MMADHC: variants seen among roughly 807,000 people sequenced by gnomAD.
MMADHC encodes the protein metabolism of cobalamin associated D, also known as cobalamin trafficking protein CblD.
A neutral mutation model predicts 36.3 loss-of-function variants in MMADHC; 23 were observed. The ratio of observed to expected loss-of-function variants is 0.63; its 90% confidence interval spans 0.46 to 0.90. The LOEUF (loss-of-function observed/expected upper bound fraction) is 0.90, where lower values mean the gene tolerates loss of function less well. Ranked by LOEUF, MMADHC falls within the 40% of genes least tolerant of loss-of-function variation. MMADHC has a pLI of 0.00. For missense variants in MMADHC, 330 were observed against 348.0 expected, an observed-to-expected ratio of 0.95 and a Z score of 0.41; for synonymous variants, 97 against 116.1, an observed-to-expected ratio of 0.84 and a Z score of 1.06.
Position 149,569,883 on chromosome 2 carries a change from A to G in MMADHC, c.*91T>C, listed in dbSNP as rs905013333. ...AATGCTGAAATAAATACTTAGAAATAAATATATTTTAAAAACTTTAGTCTG... is the reference window on the plus strand; with the variant it reads ...AATGCTGAAATAAATACTTAGAAATGAATATATTTTAAAAACTTTAGTCTG... On this transcript the variant is annotated 3_prime_UTR_variant, in exon 8 of 8. Transcript: ENST00000303319. 5.5e-6 allele frequency: 6 copies of G among 1,083,282 alleles called. No individual in the cohort carries two copies. In the South Asian group the frequency reaches 8.5e-5, roughly 15 times the overall value. The allele number at this position is 1,083,282 out of a possible 1,614,324, so 67.1% of individuals were successfully genotyped here. A position where few individuals can be genotyped will look rare whatever the true frequency, so the allele number is the denominator to read the frequency against.
intron 7 of MMADHC, 85 bp from the exon 8 acceptor site, chr2:149,570,253 T>G: frequency 9.1e-7 from 1 of 1,100,738 alleles, no homozygotes. Flanking sequence ...ACCTATCTAC[T>G]TTAATACTCC....
rs72997100 is a variant in MMADHC at position 149,574,160 on chromosome 2, A to G, written c.609+1551T>C. On this transcript the variant is annotated intron_variant, in intron 6 of 7. Transcript: ENST00000303319. The stretch of plus-strand genomic sequence containing the variant: ...ACTATACTGGAGTCAGTATCAAATT[A>G]GGTTCAGAATCTTAAACTGACCAAA... Among the ~76,000 whole-genome samples, 1,485 of 152,346 alleles carry G rather than the reference A, an allele frequency of 9.7e-3. 28 individuals carry two copies. Among genetic ancestry groups the G allele is most frequent in the African/African-American group, 0.033 (1,377 of 41,580 alleles).
At chr2:149,574,644 G>A (rs1682688040) in intron 6 of MMADHC, among the ~76,000 whole-genome samples, 1 of 152,108 alleles carries the variant, frequency 6.6e-6, no homozygotes, top group Non-Finnish European at 1.5e-5. Context: ...AATTGGAAGT[G>A]TCTTATCAAA....
chr2:149,575,316 T>C (rs1682697636), intron 6 of MMADHC, among the ~76,000 whole-genome samples: 1 of 152,010 alleles, frequency 6.6e-6, no homozygotes. Flanking sequence ...GGCATAATTT[T>C]CACTCTTTAT....
At chr2:149,571,867 A>G (rs1682645712) in intron 6 of MMADHC, among the ~76,000 whole-genome samples, 1 of 152,112 alleles carries the variant, frequency 6.6e-6, no homozygotes, top group South Asian at 2.1e-4. Flanking sequence ...CGTTTAAATG[A>G]AAGTTGTTTA....
chr2:149,587,713 A>T lies in MMADHC; in HGVS notation c.-102T>A, dbSNP rs1157295979. On this transcript the variant is annotated 5_prime_UTR_variant, in exon 1 of 8. The change abolishes an upstream ATG in the 5' untranslated region. Coordinates refer to ENST00000303319, the MANE Select transcript of MMADHC (RefSeq NM_015702.3). ...GTCCCAGAACCGGACTCTTCCTGCC[A>T]TCAAAATGGCGGCGGCGACGGCAGC... 6.5e-6 allele frequency: 1 copy of T among 152,696 alleles called. No homozygotes were observed. The highest frequency in any genetic ancestry group is 1.9e-4 in the East Asian group (1 of 5,194). The allele number at this position is 152,696 out of a possible 1,614,324, so 9.5% of individuals were successfully genotyped here.
At chr2:149,585,325 G>A (rs13400929) in intron 2 of MMADHC, among the ~76,000 whole-genome samples, 1,996 of 152,236 alleles carry the variant, frequency 0.013, 39 homozygotes, top group African/African-American at 0.045. Flanking sequence ...AGTATATAAA[G>A]AGAAAGTGCC....
intron 6 of MMADHC, among the ~76,000 whole-genome samples, chr2:149,575,345 C>T (rs1682698037): frequency 6.9e-6 from 1 of 145,528 alleles, no homozygotes. Context: ...GTTCTAAGCC[C>T]AGGAGAAAGG....
chr2:149,570,037 T>C lies in MMADHC; in HGVS notation c.828A>G (p.Val276=), dbSNP rs937318527. Residue 276 remains valine (V), a synonymous_variant, in exon 8 of 8, where the codon GTA becomes GTG. Coordinates refer to ENST00000303319, the MANE Select transcript of MMADHC (RefSeq NM_015702.3). ...GTGTTGCATTAGTGAAGATACTCCC[T>C]ACAACTACATGGGTACCCCAGAGAC... ...RHSLWGTHVV[V]GSIFTNATPD... The C allele has an allele frequency of 1.5e-5, 24 of 1,613,698 alleles. No individual in the cohort carries two copies. The highest frequency in any genetic ancestry group is 3.3e-5 in the South Asian group (3 of 91,078).
chr2:149,573,031 C>T (rs1253167882), intron 6 of MMADHC, among the ~76,000 whole-genome samples: 2 of 152,150 alleles, frequency 1.3e-5, no homozygotes, highest in Non-Finnish European at 2.9e-5. Flanking sequence ...TCTACAGATG[C>T]TTTAACACAA....
Position 149,582,165 on chromosome 2 carries a change from G to A in MMADHC, c.116C>T (p.Ser39Leu), listed in dbSNP as rs746785981. 3 of 1,613,900 alleles carry A rather than the reference G, an allele frequency of 1.9e-6. No homozygotes were observed. Among genetic ancestry groups the A allele is most frequent in the African/African-American group, 2.7e-5 (2 of 75,034 alleles). ...KAFSTAGSSG[S>L]DESHVAAAPP... is the part of the protein sequence containing the mutation. Reference sequence around the variant, plus strand: ...TGCAGCAGCCACATGAGACTCATCCGAACCTGATGATCCTGCAGTCGAAAA... The same window carrying A: ...TGCAGCAGCCACATGAGACTCATCCAAACCTGATGATCCTGCAGTCGAAAA... The change falls in exon 3 of 8, where the codon TCG becomes TTG. Residue 39 changes from serine (S) to leucine (L), a missense_variant. By Grantham distance (145) the Ser-to-Leu change is moderately radical. Transcript: ENST00000303319.
At chr2:149,585,099 T>C (rs1258500720) in intron 2 of MMADHC, among the ~76,000 whole-genome samples, 4 of 151,008 alleles carry the variant, frequency 2.6e-5, no homozygotes, top group Non-Finnish European at 5.9e-5. Context: ...GTAATTGTAA[T>C]TGTGGAAGTG....
chr2:149,576,407 C>G (rs1264737767), intron 5 of MMADHC, 30 bp downstream of exon 5: 12 of 1,416,508 alleles, frequency 8.5e-6, no homozygotes, highest in Non-Finnish European at 1.2e-5. Context: ...AAATTAGTAA[C>G]AGTGTTTCAA....
At chr2:149,585,500 T>C (rs1682854154) in intron 2 of MMADHC, among the ~76,000 whole-genome samples, 1 of 152,204 alleles carries the variant, frequency 6.6e-6, no homozygotes. Flanking sequence ...AATACAAACA[T>C]TGAGAAATCG....
intron 6 of MMADHC, among the ~76,000 whole-genome samples, chr2:149,573,925 G>A (rs1022926221): frequency 2.6e-5 from 4 of 151,924 alleles, no homozygotes; most frequent in South Asian, 2.1e-4. Context: ...CACCAACACT[G>A]ACATCTGCTG....
At chr2:149,576,322 C>T in intron 5 of MMADHC, 115 bp downstream of exon 5, 1 of 771,136 alleles carries the variant, frequency 1.3e-6, no homozygotes, top group Non-Finnish European at 2.3e-6. Flanking sequence ...CATTTCCAGC[C>T]AGATACGGTA....
At chr2:149,583,376 A>G (rs1014915114) in intron 2 of MMADHC, among the ~76,000 whole-genome samples, 6 of 152,160 alleles carry the variant, frequency 3.9e-5, no homozygotes, top group Admixed American at 1.3e-4. Context: ...AAAGAGTGAC[A>G]AATTCAGTGA....
rs139265680 is a variant in MMADHC, at chr2:149,585,783, T to C, written c.9+1306A>G. 3.9e-5 allele frequency among the ~76,000 whole-genome samples: 6 copies of C among 152,352 alleles called. No homozygotes were observed. The East Asian group carries it at 1.2e-3, about 29-fold the overall frequency. On this transcript the variant is annotated intron_variant, in intron 2 of 7. Coordinates refer to ENST00000303319, the MANE Select transcript of MMADHC (RefSeq NM_015702.3). Reference sequence around the variant, plus strand: ...AGTAACATCCATCCACAATTTACAATCCATATAAATTAACACAAAAATTGT... The same window carrying C: ...AGTAACATCCATCCACAATTTACAACCCATATAAATTAACACAAAAATTGT...
intron 3 of MMADHC, 112 bp downstream of exon 3, chr2:149,582,015 C>T (rs1371607457): frequency 1.6e-6 from 2 of 1,220,740 alleles, no homozygotes; most frequent in Admixed American, 3.9e-5. Context: ...TTCAACTGAA[C>T]AAACACAACT....
Sources: gnomAD v4.1 joint callset for allele counts (sites outside exome capture counted in the v4.1 genomes callset) on GRCh38, gnomAD v4.1.1 for gene constraint, MANE v1.5 for transcripts, NCBI Gene and HGNC (gene_info 2026-07-23, HGNC 2026-07-21) for gene names.